RNF125: variants seen among roughly 807,000 people sequenced by gnomAD.
RNF125 encodes the protein ring finger protein 125.
Under a neutral mutation model 26.0 loss-of-function variants are expected in RNF125, and 21 were observed. The observed-to-expected ratio is 0.81, with a 90% CI of 0.57 to 1.16. RNF125 has a LOEUF of 1.16. Ranked by LOEUF, RNF125 falls within the 50% of genes most tolerant of loss-of-function variation. The pLI, the probability that RNF125 is intolerant of heterozygous loss-of-function variation, is 0.00. For synonymous variants in RNF125, 95 were observed against 109.2 expected, an observed-to-expected ratio of 0.87 and a Z score of 0.81; for missense variants, 270 against 299.4, an observed-to-expected ratio of 0.90 and a Z score of 0.72.
At chr18:32,075,358 G>A (rs1443927000), downstream of RNF125, among the ~76,000 whole-genome samples, 13 of 152,026 alleles carry the variant, frequency 8.6e-5, 1 homozygote, top group Admixed American at 8.5e-4. Context: ...AGGAGTTCGA[G>A]ACCAGCCTGG....
chr18:32,035,736 C>T (rs1371214494), intron 1 of RNF125, among the ~76,000 whole-genome samples: 1 of 152,170 alleles, frequency 6.6e-6, no homozygotes, highest in East Asian at 1.9e-4. Context: ...ATTAGCACCA[C>T]CAAGGATGGT....
intron 3 of RNF125, among the ~76,000 whole-genome samples, chr18:32,042,915 G>C (rs1020072808): frequency 2.0e-5 from 3 of 151,808 alleles, no homozygotes; most frequent in Admixed American, 6.6e-5. Context: ...TTGGGAGGCT[G>C]AGACGGGCAG....
downstream of RNF125, among the ~76,000 whole-genome samples, chr18:32,077,942 C>A (rs2039581178): frequency 6.6e-6 from 1 of 152,020 alleles, no homozygotes; most frequent in South Asian, 2.1e-4. Flanking sequence ...GCACACACCA[C>A]CACATCTAGC....
chr18:32,075,169 C>G (rs2144528525), downstream of RNF125, among the ~76,000 whole-genome samples: 1 of 152,232 alleles, frequency 6.6e-6, no homozygotes, highest in South Asian at 2.1e-4. Flanking sequence ...CATTTCTCAC[C>G]ACCTCCATTT....
intron 4 of RNF125, among the ~76,000 whole-genome samples, chr18:32,061,979 A>G (rs1234832259): frequency 6.6e-6 from 1 of 152,226 alleles, no homozygotes; most frequent in South Asian, 2.1e-4. Context: ...AACTAGACAC[A>G]TGGTAGTTTC....
intron 4 of RNF125, among the ~76,000 whole-genome samples, chr18:32,051,919 A>G (rs981020835): frequency 6.6e-6 from 1 of 151,052 alleles, no homozygotes; most frequent in African/African-American, 2.4e-5. Context: ...CGATCTCCTG[A>G]CCTTGTGATC....
chr18:32,081,584 C>A, the RNF125 span, among the ~76,000 whole-genome samples: 16 of 152,158 alleles, frequency 1.1e-4, no homozygotes, highest in Non-Finnish European at 2.9e-5. Flanking sequence ...TAGTTAGTAT[C>A]ACCCCCATTT....
rs758739138 is a variant in RNF125 at position 32,045,614 on chromosome 18, T to A, written c.414-28T>A. The A allele has an allele frequency of 1.2e-5, 17 of 1,462,422 alleles. No individual in the cohort carries two copies. The South Asian group carries it at 2.0e-4, about 18-fold the overall frequency. The allele number at this position is 1,462,422 out of a possible 1,614,324, so 90.6% of individuals were successfully genotyped here. On this transcript the variant is annotated intron_variant, in intron 3 of 5. Coordinates refer to ENST00000217740, the MANE Select transcript of RNF125 (RefSeq NM_017831.4). ...ACTATCTAGTTGCCAACCATTTTAA[T>A]ATTATTTGTATTCTGTGCTATTTCC...
intron 1 of RNF125, chr18:32,031,090 C>G (rs1184015001): frequency 1.3e-5 from 2 of 152,022 alleles, no homozygotes; most frequent in Non-Finnish European, 2.9e-5. Flanking sequence ...AATACCACCA[C>G]AAGAGGAACC....
chr18:32,029,971 A>G (rs1487403591), intron 1 of RNF125, among the ~76,000 whole-genome samples: 1 of 152,214 alleles, frequency 6.6e-6, no homozygotes, highest in African/African-American at 2.4e-5. Context: ...CATAAGAAAG[A>G]GCCAAGTCTC....
intron 1 of RNF125, among the ~76,000 whole-genome samples, chr18:32,033,839 CA>C (rs1219701918): frequency 1.4e-5 from 2 of 145,268 alleles, no homozygotes; most frequent in East Asian, 3.9e-4. Context: ...AACAAACAAA[CA>C]AAAAAGTAGA....
chr18:32,048,016 T>C (rs2144487934), intron 4 of RNF125, among the ~76,000 whole-genome samples: 1 of 152,180 alleles, frequency 6.6e-6, no homozygotes, highest in South Asian at 2.1e-4. Context: ...TAGTCCCAGC[T>C]ACTCGGGAGG....
intron 4 of RNF125, among the ~76,000 whole-genome samples, chr18:32,060,994 A>AAAAAC (rs1491243045): frequency 6.6e-6 from 1 of 152,214 alleles, no homozygotes; most frequent in Non-Finnish European, 1.5e-5. Context: ...ATCCCGTTTC[A>AAAAAC]AAAACAAAAC....
the RNF125 span, among the ~76,000 whole-genome samples, chr18:32,082,792 T>G: frequency 6.6e-6 from 1 of 152,232 alleles, no homozygotes; most frequent in Non-Finnish European, 1.5e-5. Context: ...AACAGGACTG[T>G]GATTCATTGA....
chr18:32,050,351 G>A (rs1022691683), intron 4 of RNF125, among the ~76,000 whole-genome samples: 4 of 152,018 alleles, frequency 2.6e-5, no homozygotes, highest in South Asian at 2.1e-4. Context: ...ACAGGGTCTC[G>A]CTCTGTCACC....
chr18:32,079,445 T>TA, the RNF125 span, among the ~76,000 whole-genome samples: 1 of 152,284 alleles, frequency 6.6e-6, no homozygotes, highest in Middle Eastern at 3.4e-3. Flanking sequence ...AATGAATGGC[T>TA]AAAAAATGGA....
chr18:32,073,148 C>G lies in RNF125; in HGVS notation c.*4764C>G, dbSNP rs568750367. ...CTTTTTCTTCTGTAAGTATGTATTGCTATGATAAATAAAAAATGGCAGGAC... is the reference window on the plus strand; with the variant it reads ...CTTTTTCTTCTGTAAGTATGTATTGGTATGATAAATAAAAAATGGCAGGAC... On this transcript the variant is annotated 3_prime_UTR_variant, in exon 6 of 6. Transcript: ENST00000217740. The G allele has an allele frequency of 3.5e-4, 54 of 152,154 alleles. No homozygotes were observed. Among genetic ancestry groups the G allele is most frequent in the African/African-American group, 1.3e-3 (54 of 41,506 alleles). The allele number at this position is 152,154 out of a possible 1,614,324, so 9.4% of individuals were successfully genotyped here. A position where few individuals can be genotyped will look rare whatever the true frequency, so the allele number is the denominator to read the frequency against.
chr18:32,050,550 G>T (rs2039313676), intron 4 of RNF125, among the ~76,000 whole-genome samples: 1 of 151,930 alleles, frequency 6.6e-6, no homozygotes, highest in South Asian at 2.1e-4. Context: ...TGTTGCCCAG[G>T]CTGGTCTCAA....
chr18:32,039,875 G>T (rs373563616), intron 2 of RNF125, among the ~76,000 whole-genome samples: 1 of 149,078 alleles, frequency 6.7e-6, no homozygotes, highest in Non-Finnish European at 1.5e-5. Context: ...CACTTTGCAC[G>T]TTCAAGAGAT....
Sources: allele counts gnomAD v4.1 joint callset (sites outside exome capture counted in the v4.1 genomes callset), GRCh38; gene constraint gnomAD v4.1.1; transcripts MANE v1.5; gene names NCBI Gene and HGNC (gene_info 2026-07-23, HGNC 2026-07-21).